Variants in ZFP2 observed in about 807,000 individuals in gnomAD.
ZFP2 encodes ZFP2 zinc finger protein.
Under a neutral mutation model 36.1 loss-of-function variants are expected in ZFP2, and 33 were observed. That is an observed-to-expected ratio of 0.92 (90% CI 0.69 to 1.22). ZFP2 has a LOEUF of 1.22. ZFP2 is among the 50% of genes most tolerant of loss of function. The pLI is 0.00. For missense variants in ZFP2, 522 were observed against 551.4 expected (o/e 0.95, Z 0.53); for synonymous variants, 170 against 178.0 (o/e 0.96, Z 0.36).
intron 1 of ZFP2, among the ~76,000 whole-genome samples, chr5:178,899,975 C>T (rs80215599): frequency 0.038 from 5,815 of 151,994 alleles, 163 homozygotes; most frequent in Non-Finnish European, 0.056. Flanking sequence ...GTACTGCTTT[C>T]TTCAGTATTA....
rs755719846 is a variant in ZFP2, at chr5:178,931,550, T to C, written c.237T>C (p.His79=). ...AAAGGCCCCATAACTGTAATTCACA[T>C]GGAGAAGATGCCACACAAAATTCTG... ...MVKRPHNCNS[H]GEDATQNSEL... Residue 79 remains histidine, a synonymous_variant, in exon 5 of 5, where the codon CAT becomes CAC. Coordinates refer to ENST00000361362, the MANE Select transcript of ZFP2 (RefSeq NM_030613.4). 2 of 1,614,150 alleles carry C rather than the reference T, an allele frequency of 1.2e-6. No individual in the cohort carries two copies. The highest frequency in any genetic ancestry group is 2.2e-5 in the South Asian group (2 of 91,082).
chr5:178,916,725 T>C lies in ZFP2; in HGVS notation c.-78+15T>C, dbSNP rs936963317. ...AACATCTATAGGTAAGTACTGGTAC[T>C]CCTCTTACGGTGGAAGACATTGGCT... On this transcript the variant is annotated intron_variant, in intron 4 of 4. Coordinates refer to ENST00000361362, the MANE Select transcript of ZFP2 (RefSeq NM_030613.4). The C allele has an allele frequency of 3.8e-5, 37 of 985,314 alleles. No individual in the cohort carries two copies. Among genetic ancestry groups the C allele is most frequent in the Non-Finnish European group, 4.5e-5 (37 of 829,912 alleles). 61.0% of individuals were successfully genotyped at this position (985,314 alleles called of 1,614,324 possible).
At chr5:178,909,162 C>G (rs1758235610) in intron 1 of ZFP2, among the ~76,000 whole-genome samples, 1 of 147,948 alleles carries the variant, frequency 6.8e-6, no homozygotes, top group African/African-American at 2.5e-5. Flanking sequence ...CCCCTCGTGG[C>G]CTGGATGGAA....
At chr5:178,913,853 T>C (rs940521620) in intron 3 of ZFP2, 3 of 150,792 alleles carry the variant, frequency 2.0e-5, no homozygotes, top group African/African-American at 4.8e-5. Flanking sequence ...CATTTCTTTT[T>C]TTTTCTTTTT....
chr5:178,898,231 C>T (rs958828443), intron 1 of ZFP2, among the ~76,000 whole-genome samples: 1 of 152,200 alleles, frequency 6.6e-6, no homozygotes, highest in Non-Finnish European at 1.5e-5. Flanking sequence ...AGTGGTCCAC[C>T]CACCTTGGCC....
chr5:178,932,128 G>A lies in ZFP2; in HGVS notation c.815G>A (p.Cys272Tyr), dbSNP rs541099006. ...RSHTGEKPYE[C>Y]SQCGKAFSKS... The stretch of plus-strand genomic sequence containing the variant: ...CATACTGGAGAAAAACCCTATGAGT[G>A]TAGTCAATGTGGAAAAGCCTTTAGT... Residue 272 changes from cysteine to tyrosine, a missense_variant, in exon 5 of 5, where the codon TGT (cysteine) becomes TAT (tyrosine). Cys to Tyr is a radical substitution (Grantham distance 194, BLOSUM62 -2). Coordinates refer to ENST00000361362, the MANE Select transcript of ZFP2 (RefSeq NM_030613.4). 6.2e-7 allele frequency: 1 copy of A among 1,612,864 alleles called. No homozygotes were observed. The highest frequency in any genetic ancestry group is 1.7e-5 in the Admixed American group (1 of 59,978).
intron 1 of ZFP2, among the ~76,000 whole-genome samples, chr5:178,899,775 C>CT (rs397968153): frequency 0.027 from 3,945 of 143,806 alleles, 65 homozygotes; most frequent in Non-Finnish European, 0.038. Context: ...GCCCTAACTT[C>CT]TTTTTTTTTT....
rs2113085195 is a variant in ZFP2, at chr5:178,913,032, A to T, written c.-263A>T. On this transcript the variant is annotated 5_prime_UTR_variant, in exon 3 of 5. The change abolishes the stop of an existing upstream ORF in the 5' untranslated region. Transcript: ENST00000361362. Reference sequence around the variant, plus strand: ...GACTTCCCAGCTGGAACGAGAACTGAGTCTGATGCAAAAAGAACCGCCTGA... The same window carrying T: ...GACTTCCCAGCTGGAACGAGAACTGTGTCTGATGCAAAAAGAACCGCCTGA... 1.0e-6 allele frequency: 1 copy of T among 985,782 alleles called. No homozygotes were observed. Among genetic ancestry groups the T allele is most frequent in the East Asian group, 1.1e-4 (1 of 8,822 alleles). 61.1% of individuals were successfully genotyped at this position (985,782 alleles called of 1,614,324 possible). A position where few individuals can be genotyped will look rare whatever the true frequency, so the allele number is the denominator to read the frequency against.
At chr5:178,898,418 G>A (rs570609618) in intron 1 of ZFP2, among the ~76,000 whole-genome samples, 4 of 152,196 alleles carry the variant, frequency 2.6e-5, no homozygotes, top group African/African-American at 4.8e-5. Context: ...TCTGTCTTTC[G>A]TCTTTGTATA....
chr5:178,923,139 T>C (rs937874110), intron 4 of ZFP2, among the ~76,000 whole-genome samples: 1 of 149,562 alleles, frequency 6.7e-6, no homozygotes, highest in East Asian at 1.9e-4. Flanking sequence ...GTGTACAATA[T>C]ACGTAACATA....
chr5:178,920,686 G>A (rs542763897), intron 4 of ZFP2, among the ~76,000 whole-genome samples: 2 of 151,834 alleles, frequency 1.3e-5, no homozygotes, highest in East Asian at 3.9e-4. Context: ...TTTCCACTTA[G>A]TTCTTTTTAT....
chr5:178,902,642 C>T (rs1390267790), intron 1 of ZFP2, among the ~76,000 whole-genome samples: 1 of 151,956 alleles, frequency 6.6e-6, no homozygotes, highest in South Asian at 2.1e-4. Context: ...ATGGCTGATA[C>T]AGTCAGTGTT....
At chr5:178,920,232 A>C (rs1758528007) in intron 4 of ZFP2, among the ~76,000 whole-genome samples, 1 of 152,050 alleles carries the variant, frequency 6.6e-6, no homozygotes, top group Non-Finnish European at 1.5e-5. Context: ...AGATTGAATA[A>C]TTTCTTTTAA....
intron 1 of ZFP2, among the ~76,000 whole-genome samples, chr5:178,904,204 G>A (rs998713959): frequency 6.6e-6 from 1 of 152,256 alleles, no homozygotes; most frequent in South Asian, 2.1e-4. Flanking sequence ...CATATTTAGC[G>A]CTTCTCTGCC....
Position 178,912,664 on chromosome 5 carries a change from G to C in ZFP2, c.-369G>C. ...GGATTCAAGCAGATTCTGCTCAGAG[G>C]ATGACCGTGTATGGGGAGGTGATGC... On this transcript the variant is annotated 5_prime_UTR_variant, in exon 2 of 5. Coordinates refer to ENST00000361362, the MANE Select transcript of ZFP2 (RefSeq NM_030613.4). 1.9e-6 allele frequency: 2 copies of C among 1,062,018 alleles called. No homozygotes were observed. The highest frequency in any genetic ancestry group is 1.2e-6 in the Non-Finnish European group (1 of 862,912). The allele number at this position is 1,062,018 out of a possible 1,614,324, so 65.8% of individuals were successfully genotyped here.
At chr5:178,929,947 G>T (rs562687803) in intron 4 of ZFP2, among the ~76,000 whole-genome samples, 3 of 150,486 alleles carry the variant, frequency 2.0e-5, no homozygotes, top group Non-Finnish European at 1.5e-5. Context: ...GACGGTGGGG[G>T]GGGGGGCTCA....
At chr5:178,900,945 GC>G (rs1758043736) in intron 1 of ZFP2, among the ~76,000 whole-genome samples, 1 of 152,162 alleles carries the variant, frequency 6.6e-6, no homozygotes, top group African/African-American at 2.4e-5. Flanking sequence ...TATATATTAT[GC>G]CTGGCTTTTT....
intron 4 of ZFP2, among the ~76,000 whole-genome samples, chr5:178,921,009 A>G (rs1158346645): frequency 3.3e-5 from 5 of 152,196 alleles, no homozygotes; most frequent in African/African-American, 1.2e-4. Flanking sequence ...CAGACTACAA[A>G]GTCCAACCAG....
At position 178,932,727 on chromosome 5, in the gene ZFP2, T is replaced by C; in HGVS notation, c.*28T>C. The C allele has an allele frequency of 1.3e-6, 2 of 1,543,702 alleles. No individual in the cohort carries two copies. Among genetic ancestry groups the C allele is most frequent in the Non-Finnish European group, 1.7e-6 (2 of 1,148,754 alleles). On this transcript the variant is annotated 3_prime_UTR_variant, in exon 5 of 5. Transcript: ENST00000361362. ...AATGTTTTCACTGGCCCTTACCTCA[T>C]GATTAACTCTTCAGTAATAATCATA...
Sources: gnomAD v4.1 joint callset for allele counts (sites outside exome capture counted in the v4.1 genomes callset) on GRCh38, gnomAD v4.1.1 for gene constraint, MANE v1.5 for transcripts, NCBI Gene and HGNC (gene_info 2026-07-23, HGNC 2026-07-21) for gene names.